The following NRXN1 variants were observed in gnomAD, a reference collection of about 807,000 sequenced individuals.
NRXN1 encodes neurexin 1.
Under a neutral mutation model 150.9 loss-of-function variants are expected in NRXN1, and 39 were observed. The ratio of observed to expected loss-of-function variants is 0.26; its 90% CI spans 0.20 to 0.34. The LOEUF is 0.34. Ranked by LOEUF, NRXN1 falls within the 10% of genes least tolerant of loss-of-function variation. The pLI is 1.00. For missense variants in NRXN1, 1,815 were observed against 1,949.9 expected, an observed-to-expected ratio of 0.93 and a Z score of 1.30; for synonymous variants, 924 against 757.0, an observed-to-expected ratio of 1.22 and a Z score of -3.62.
intron 17 of NRXN1, among the ~76,000 whole-genome samples, chr2:50,360,927 T>A (rs1355338771): frequency 6.6e-6 from 1 of 152,136 alleles, no homozygotes; most frequent in Non-Finnish European, 1.5e-5. Context: ...CAGACCACCG[T>A]ACAATCAAAT....
At chr2:50,942,496 T>A (rs1213793901) in intron 2 of NRXN1, among the ~76,000 whole-genome samples, 2 of 152,168 alleles carry the variant, frequency 1.3e-5, no homozygotes, top group Non-Finnish European at 2.9e-5. Flanking sequence ...TACAGAGCCA[T>A]GGAGGTAGAG....
At chr2:50,940,982 C>A (rs566349690) in intron 2 of NRXN1, among the ~76,000 whole-genome samples, 2 of 152,212 alleles carry the variant, frequency 1.3e-5, no homozygotes, top group Non-Finnish European at 1.5e-5. Flanking sequence ...GTAATCCTAA[C>A]GTGTTGGGAG....
chr2:50,481,624 A>T (rs566154710), intron 15 of NRXN1, among the ~76,000 whole-genome samples: 9 of 152,184 alleles, frequency 5.9e-5, no homozygotes, highest in Admixed American at 2.6e-4. Flanking sequence ...ACGTGGGACA[A>T]GTTGGGGAGG....
intron 18 of NRXN1, among the ~76,000 whole-genome samples, chr2:50,216,139 G>A (rs1334726321): frequency 6.6e-6 from 1 of 151,884 alleles, no homozygotes; most frequent in Non-Finnish European, 1.5e-5. Context: ...GAAGAATGCT[G>A]GATGCCAGGA....
chr2:50,264,654 G>C (rs1162784696), intron 17 of NRXN1, among the ~76,000 whole-genome samples: 1 of 152,014 alleles, frequency 6.6e-6, no homozygotes, highest in Non-Finnish European at 1.5e-5. Flanking sequence ...ATCTCCCTAA[G>C]TGGTACAATG....
At chr2:50,716,269 A>T (rs761505112) in intron 5 of NRXN1, among the ~76,000 whole-genome samples, 10 of 152,150 alleles carry the variant, frequency 6.6e-5, no homozygotes, top group Non-Finnish European at 1.3e-4. Context: ...ATATAAGACA[A>T]CCCATTTTAG....
intron 19 of NRXN1, among the ~76,000 whole-genome samples, chr2:50,086,800 A>AG (rs1698833468): frequency 6.7e-6 from 1 of 149,262 alleles, no homozygotes; most frequent in South Asian, 2.1e-4. Flanking sequence ...AAAGAGAGAG[A>AG]GGGGGAGAGG....
Position 50,149,492 on chromosome 2 carries a change from C to T in NRXN1, c.3547-57998G>A, listed in dbSNP as rs994288885. Among the ~76,000 whole-genome samples the T allele has an allele frequency of 6.6e-5, 10 of 151,728 alleles. No homozygotes were observed. In the East Asian group the frequency reaches 1.9e-3, roughly 30 times the overall value. ...GAATACCATATCATATCCTCATGAC[C>T]TAGTGTCAATGTGACTATGATGGAA... On this transcript the variant is annotated intron_variant, in intron 18 of 22. Transcript: ENST00000401669.
At chr2:50,316,464 T>C (rs2075614048) in intron 17 of NRXN1, among the ~76,000 whole-genome samples, 1 of 152,088 alleles carries the variant, frequency 6.6e-6, no homozygotes, top group Non-Finnish European at 1.5e-5. Context: ...CGGAAGATCT[T>C]GCCACATGCA....
At chr2:50,022,243 A>T (rs1300991870) in intron 21 of NRXN1, among the ~76,000 whole-genome samples, 1 of 152,192 alleles carries the variant, frequency 6.6e-6, no homozygotes, top group Non-Finnish European at 1.5e-5. Context: ...CAGCCTCCCA[A>T]AGTGCTGGGA....
intron 15 of NRXN1, among the ~76,000 whole-genome samples, chr2:50,485,162 G>A (rs2090775283): frequency 6.6e-6 from 1 of 152,166 alleles, no homozygotes; most frequent in Non-Finnish European, 1.5e-5. Context: ...GAGACCGTAT[G>A]TGTAAAATAA....
intron 18 of NRXN1, among the ~76,000 whole-genome samples, chr2:50,096,524 G>C (rs1437962352): frequency 6.6e-6 from 1 of 152,166 alleles, no homozygotes; most frequent in Non-Finnish European, 1.5e-5. Flanking sequence ...TATTGCATTA[G>C]CAAAACCAGA....
chr2:50,410,812 G>A (rs897763437), intron 17 of NRXN1, among the ~76,000 whole-genome samples: 1 of 152,204 alleles, frequency 6.6e-6, no homozygotes, highest in Non-Finnish European at 1.5e-5. Flanking sequence ...ACTTTGAAGA[G>A]AGACCAGGGA....
In NRXN1 at chr2:49,921,983, G is replaced by A. The variant is rs200814948; in HGVS notation, c.4485C>T (p.Asn1495=). 2.3e-5 allele frequency: 37 copies of A among 1,613,836 alleles called. 1 individual carries two copies. The highest frequency in any genetic ancestry group is 2.9e-5 in the Non-Finnish European group (34 of 1,179,972). ...CTTTATCCTTGTTTTTCTTATTTTT[G>A]TTGGAGCTTTTCGCACTGCTGGGTT... The part of the protein sequence containing the change: ...EKQPSSAKSS[N]KNKKNKDKEY... Residue 1495 remains asparagine (N), a synonymous_variant, in exon 23 of 23, where the codon AAC becomes AAT. Transcript: ENST00000401669.
rs1023998829 is a variant in NRXN1, at chr2:49,966,009, G to A, written c.4129-22218C>T. On this transcript the variant is annotated intron_variant, in intron 21 of 22. Coordinates refer to ENST00000401669, the MANE Select transcript of NRXN1 (RefSeq NM_001330078.2). ...TTTTACACCACAGTGTTCTTCTTAC[G>A]AATACCAGAGAGAAAATCAAAGTTT... Among the ~76,000 whole-genome samples, 12 of 152,212 alleles carry A rather than the reference G, an allele frequency of 7.9e-5. No homozygotes were observed. In the East Asian group the frequency reaches 1.9e-3, roughly 24 times the overall value.
At chr2:50,774,852 AT>A (rs1454838965) in intron 5 of NRXN1, among the ~76,000 whole-genome samples, 1 of 152,140 alleles carries the variant, frequency 6.6e-6, no homozygotes, top group African/African-American at 2.4e-5. Flanking sequence ...CCACATATAC[AT>A]TTCTATTCCC....
chr2:50,165,893 T>C (rs1178374323), intron 18 of NRXN1, among the ~76,000 whole-genome samples: 1 of 152,130 alleles, frequency 6.6e-6, no homozygotes, highest in Non-Finnish European at 1.5e-5. Context: ...ACAGCTGGAG[T>C]CTTGTACTAC....
At chr2:50,198,079 T>C (rs1340631583) in intron 18 of NRXN1, among the ~76,000 whole-genome samples, 1 of 152,150 alleles carries the variant, frequency 6.6e-6, no homozygotes, top group Non-Finnish European at 1.5e-5. Flanking sequence ...CATCTGCATC[T>C]TTATGAACAT....
rs1199068402 is a variant in NRXN1, at chr2:50,465,536, G to T, written c.3270C>A (p.Asp1090Glu). ...AGCACACACCTTGATTGGAACATGA[G>T]TCCTCTTGGCAGGTTGTGCTGGGCC... The part of the protein sequence containing the change: ...CEGPSTTCQE[D>E]SCSNQGVCLQ... The change falls in exon 17 of 23, where the codon GAC (aspartate) becomes GAA (glutamate). Residue 1090 changes from aspartate (D) to glutamate (E), a missense_variant. Asp to Glu is a conservative substitution (Grantham distance 45). Around this residue, in one of 6 missense-constraint regions of NRXN1, gnomAD observed 339 missense variants for 440.3 expected, o/e 0.77. Coordinates refer to ENST00000401669, the MANE Select transcript of NRXN1 (RefSeq NM_001330078.2). 5.0e-6 allele frequency: 8 copies of T among 1,610,230 alleles called. No homozygotes were observed. Among genetic ancestry groups the T allele is most frequent in the Non-Finnish European group, 6.8e-6 (8 of 1,177,848 alleles).
Sources: gnomAD v4.1 joint callset for allele counts (sites outside exome capture counted in the v4.1 genomes callset) on GRCh38, gnomAD v4.1.1 for gene constraint, gnomAD v4.1.1 regional missense constraint, MANE v1.5 for transcripts, NCBI Gene and HGNC (gene_info 2026-07-23, HGNC 2026-07-21) for gene names.